The following KRT79 variants were observed in gnomAD, a reference collection of about 807,000 sequenced individuals.
KRT79 encodes keratin, type II cytoskeletal 79.
KRT79 carries 51 observed loss-of-function variants against 49.0 expected under a neutral mutation model. That is an observed-to-expected ratio of 1.04 (90% CI 0.83 to 1.31). The LOEUF (loss-of-function observed/expected upper bound fraction) is 1.31. KRT79 is among the 40% of genes most tolerant of loss of function. The pLI, the probability that KRT79 is intolerant of heterozygous loss-of-function variation, is 0.00. For synonymous variants in KRT79, 312 were observed against 286.6 expected (o/e 1.09, Z -0.90); for missense variants, 728 against 688.0 (o/e 1.06, Z -0.65).
In KRT79 at chr12:52,821,761, G is replaced by T. The variant is rs948897023; in HGVS notation, c.*111C>A. ...ATAGTCTGGTATGAAAATACCCTGG[G>T]TCTGAGGTCCCCTGGCTGTTCCTGC... On this transcript the variant is annotated 3_prime_UTR_variant, in exon 9 of 9. Coordinates refer to ENST00000330553, the MANE Select transcript of KRT79 (RefSeq NM_175834.3). 6.9e-5 allele frequency: 64 copies of T among 928,746 alleles called. 1 individual carries two copies. Among genetic ancestry groups the T allele is most frequent in the Middle Eastern group, 2.7e-4 (1 of 3,710 alleles). 57.5% of individuals were successfully genotyped at this position (928,746 alleles called of 1,614,324 possible).
intron 4 of KRT79, among the ~76,000 whole-genome samples, chr12:52,825,317 C>T (rs759472027): frequency 6.6e-6 from 1 of 152,222 alleles, no homozygotes; most frequent in Non-Finnish European, 1.5e-5. Context: ...GTCTTGTCTC[C>T]ATCCTTTCTC....
Position 52,823,229 on chromosome 12 carries a change from T to A in KRT79, c.1154A>T (p.Gln385Leu). ...EADAAKKQCQQLQTAIAEAEQ... is the reference protein window; with the variant it reads ...EADAAKKQCQLLQTAIAEAEQ... ...CGCTTCCGCAATGGCCGTCTGCAGC[T>A]GCTGACACTGCCCAGGGGAGAAAGG... The change falls in exon 7 of 9, where the codon CAG (glutamine) becomes CTG (leucine). Residue 385 changes from glutamine (Q) to leucine (L), a missense_variant. Transcript: ENST00000330553. 6.2e-7 allele frequency: 1 copy of A among 1,614,054 alleles called. No individual in the cohort carries two copies. Among genetic ancestry groups the A allele is most frequent in the South Asian group, 1.1e-5 (1 of 91,054 alleles).
intron 4 of KRT79, among the ~76,000 whole-genome samples, chr12:52,828,923 G>T (rs1940211474): frequency 6.6e-6 from 1 of 152,136 alleles, no homozygotes; most frequent in Non-Finnish European, 1.5e-5. Flanking sequence ...CATGTGAAAG[G>T]CATAAGTCAC....
At chr12:52,830,374 C>T (rs1940235513) in intron 2 of KRT79, 82 bp from the exon 3 acceptor site, 2 of 1,170,540 alleles carry the variant, frequency 1.7e-6, no homozygotes, top group Non-Finnish European at 2.6e-6. Context: ...TACAGAAGCC[C>T]TGATGGGTCC....
intron 4 of KRT79, among the ~76,000 whole-genome samples, chr12:52,825,338 C>T (rs945416469): frequency 1.3e-5 from 2 of 152,188 alleles, no homozygotes; most frequent in Non-Finnish European, 1.5e-5. Context: ...AAACACTGGC[C>T]CTTCATGGCA....
At position 52,823,884 on chromosome 12, in the gene KRT79, C is replaced by G. The variant is rs1291717655; in HGVS notation, c.1146+3G>C. 1.2e-6 allele frequency: 2 copies of G among 1,612,678 alleles called. No homozygotes were observed. Among genetic ancestry groups the G allele is most frequent in the African/African-American group, 2.7e-5 (2 of 74,830 alleles). On this transcript the variant is annotated splice_donor_region_variant and intron_variant, in intron 6 of 8. Coordinates refer to ENST00000330553, the MANE Select transcript of KRT79 (RefSeq NM_175834.3). The stretch of plus-strand genomic sequence containing the variant: ...GACCCCCAAGCCCCCAGTAGAGTCC[C>G]ACCTGCTTCTTGGCTGCATCAGCCT...
At chr12:52,826,060 T>C (rs1203246465) in intron 4 of KRT79, among the ~76,000 whole-genome samples, 1 of 151,416 alleles carries the variant, frequency 6.6e-6, no homozygotes, top group Non-Finnish European at 1.5e-5. Flanking sequence ...CCCACCGAGA[T>C]GAACTGTCAG....
chr12:52,831,274 C>A, intron 2 of KRT79, 132 bp downstream of exon 2: 2 of 794,034 alleles, frequency 2.5e-6, no homozygotes, highest in Non-Finnish European at 4.2e-6. Context: ...GACCTGAGCA[C>A]CTGAGGGAGC....
chr12:52,823,179 T>C lies in KRT79; in HGVS notation c.1204A>G (p.Lys402Glu), dbSNP rs766291452. The C allele has an allele frequency of 2.5e-6, 4 of 1,614,186 alleles. No homozygotes were observed. The highest frequency in any genetic ancestry group is 3.4e-6 in the Non-Finnish European group (4 of 1,180,020). The change falls in exon 7 of 9, where the codon AAG becomes GAG. Residue 402 changes from lysine (K) to glutamate (E), a missense_variant. Coordinates refer to ENST00000330553, the MANE Select transcript of KRT79 (RefSeq NM_175834.3). Reference protein sequence around the residue: ...EAEQRGELALKDAQKKLGDLD... With the variant: ...EAEQRGELALEDAQKKLGDLD... Reference sequence around the variant, plus strand: ...TCCCCAAGCTTCTTCTGAGCATCCTTGAGTGCCAGCTCCCCACGCTGCTCC... The same window carrying C: ...TCCCCAAGCTTCTTCTGAGCATCCTCGAGTGCCAGCTCCCCACGCTGCTCC...
In KRT79 at chr12:52,824,003, G is replaced by C; in HGVS notation, c.1030C>G (p.Leu344Val). 1.9e-6 allele frequency: 3 copies of C among 1,614,132 alleles called. No homozygotes were observed. Among genetic ancestry groups the C allele is most frequent in the South Asian group, 2.2e-5 (2 of 91,080 alleles). ...CCATGCTTCCCAGCAGTCACCTGCAGCTCCTCATACTGGGGACCAAAGAAG... is the reference window on the plus strand; with the variant it reads ...CCATGCTTCCCAGCAGTCACCTGCACCTCCTCATACTGGGGACCAAAGAAG... ...EAWYQTKYEE[L>V]QVTAGKHGDN... Residue 344 changes from leucine to valine, a missense_variant, in exon 6 of 9, where the codon CTG becomes GTG. By Grantham distance (32) the Leu-to-Val change is conservative (BLOSUM62 1). Coordinates refer to ENST00000330553, the MANE Select transcript of KRT79 (RefSeq NM_175834.3).
chr12:52,832,453 A>C (rs543601241), intron 1 of KRT79, among the ~76,000 whole-genome samples: 2 of 151,602 alleles, frequency 1.3e-5, no homozygotes, highest in South Asian at 4.2e-4. Context: ...GTGTGGGTTT[A>C]ACAGGACCCC....
intron 1 of KRT79, among the ~76,000 whole-genome samples, chr12:52,832,665 G>A (rs530086186): frequency 6.6e-6 from 1 of 152,224 alleles, no homozygotes; most frequent in African/African-American, 2.4e-5. Context: ...ATATCTCCAG[G>A]TCCCATCTCC....
At chr12:52,832,055 G>T (rs1223720451) in intron 1 of KRT79, among the ~76,000 whole-genome samples, 1 of 152,190 alleles carries the variant, frequency 6.6e-6, no homozygotes, top group East Asian at 1.9e-4. Flanking sequence ...GAGTGCTTGA[G>T]CTCAGGAGTT....
intron 4 of KRT79, among the ~76,000 whole-genome samples, chr12:52,829,716 C>T (rs1300454530): frequency 6.6e-6 from 1 of 152,170 alleles, no homozygotes; most frequent in East Asian, 1.9e-4. Context: ...GCCTGGCCAA[C>T]ATGGCAAAAC....
At position 52,822,226 on chromosome 12, in the gene KRT79, T is replaced by TA. The variant is rs780267478; in HGVS notation, c.1402+118_1402+119insT. On this transcript the variant is annotated intron_variant, in intron 8 of 8. Transcript: ENST00000330553. ...GCCCAGAACTAGGACCCTCTGAACC[T>TA]GTCTCCAGGGGCTCGAATGGAGGAG... 114 of 1,303,504 alleles carry TA rather than the reference T, an allele frequency of 8.7e-5. 1 individual carries two copies. The highest frequency in any genetic ancestry group is 7.3e-4 in the Middle Eastern group (4 of 5,510). 80.7% of individuals were successfully genotyped at this position (1,303,504 alleles called of 1,614,324 possible).
chr12:52,833,861 C>T lies in KRT79; in HGVS notation c.400G>A (p.Glu134Lys), dbSNP rs145046939. ...TCCTGAGTGCGCACTCGCTGGATCT[C>T]GGGGTCAATCTCCACATGGAGGGGG... ...LTPLHVEIDP[E>K]IQRVRTQERE... Residue 134 changes from glutamate (E) to lysine (K), a missense_variant, in exon 1 of 9, where the codon GAG (glutamate) becomes AAG (lysine). Transcript: ENST00000330553. 32 of 1,613,850 alleles carry T rather than the reference C, an allele frequency of 2.0e-5. No individual in the cohort carries two copies. Among genetic ancestry groups the T allele is most frequent in the Non-Finnish European group, 2.5e-5 (30 of 1,179,998 alleles).
intron 4 of KRT79, among the ~76,000 whole-genome samples, chr12:52,826,579 G>C (rs916425574): frequency 6.6e-6 from 1 of 151,764 alleles, no homozygotes; most frequent in Non-Finnish European, 1.5e-5. Context: ...AGCAGAAAGA[G>C]CTCTGTGAAT....
In KRT79 at chr12:52,831,462, C is replaced by T. The variant is rs775529341; in HGVS notation, c.642G>A (p.Gly214=). The change falls in exon 2 of 9, where the codon GGG becomes GGA. Residue 214 remains glycine (G), a synonymous_variant. Coordinates refer to ENST00000330553, the MANE Select transcript of KRT79 (RefSeq NM_175834.3). ...CGTTCCTGAGCTCTGAGTCCAGCCT[C>T]CCCCGCTCGCTCTGAAGTCTGTCCA... ...STLDRLQSER[G]RLDSELRNVQ... The T allele has an allele frequency of 3.7e-6, 6 of 1,614,078 alleles. No homozygotes were observed. The Admixed American group carries it at 8.3e-5, about 22-fold the overall frequency.
At position 52,833,954 on chromosome 12, in the gene KRT79, G is replaced by C. The variant is rs747461471; in HGVS notation, c.307C>G (p.Gln103Glu). 47 of 1,613,166 alleles carry C rather than the reference G, an allele frequency of 2.9e-5. 1 individual carries two copies. The South Asian group carries it at 5.1e-4, about 17-fold the overall frequency. Residue 103 changes from glutamine to glutamate, a missense_variant, in exon 1 of 9, where the codon CAG (glutamine) becomes GAG (glutamate). By Grantham distance (29) the Gln-to-Glu change is conservative. Coordinates refer to ENST00000330553, the MANE Select transcript of KRT79 (RefSeq NM_175834.3). ...RAFMGQGAGR[Q>E]TFGPACPPGG... ...GGAGGACAAGCAGGCCCAAACGTCTGCCTGCCAGCCCCCTGTCCCATAAAT... is the reference window on the plus strand; with the variant it reads ...GGAGGACAAGCAGGCCCAAACGTCTCCCTGCCAGCCCCCTGTCCCATAAAT...
Sources: gnomAD v4.1 joint callset for allele counts (sites outside exome capture counted in the v4.1 genomes callset) on GRCh38, gnomAD v4.1.1 for gene constraint, MANE v1.5 for transcripts, NCBI Gene and HGNC (gene_info 2026-07-23, HGNC 2026-07-21) for gene names.